Variants in ARHGEF18 observed in about 807,000 individuals in gnomAD.
The protein encoded by ARHGEF18 is rho guanine nucleotide exchange factor 18.
In ARHGEF18, 93 loss-of-function variants were observed where a neutral mutation model predicts 155.7. The observed-to-expected ratio is 0.60, with a 90% confidence interval of 0.50 to 0.71. The LOEUF (loss-of-function observed/expected upper bound fraction) is 0.71, where lower values mean the gene tolerates loss of function less well. ARHGEF18 is among the 30% of genes least tolerant of loss of function. ARHGEF18 has a pLI of 0.00. For missense variants in ARHGEF18, 1,593 were observed against 1,816.1 expected, an observed-to-expected ratio of 0.88 and a Z score of 2.23; for synonymous variants, 742 against 753.1, an observed-to-expected ratio of 0.99 and a Z score of 0.24.
intron 1 of ARHGEF18, among the ~76,000 whole-genome samples, chr19:7,360,337 G>T (rs1969494756): frequency 6.6e-6 from 1 of 151,890 alleles, no homozygotes; most frequent in Non-Finnish European, 1.5e-5. Flanking sequence ...CCTGGCTGAA[G>T]AGATTCCCAT....
chr19:7,383,729 G>A (rs1429077840), intron 10 of ARHGEF18, among the ~76,000 whole-genome samples: 2 of 150,770 alleles, frequency 1.3e-5, no homozygotes, highest in African/African-American at 4.9e-5. Flanking sequence ...CTCCAGTGTG[G>A]CCTCAGCTTA....
At chr19:7,456,072 A>G (rs1254894276) in intron 17 of ARHGEF18, among the ~76,000 whole-genome samples, 1 of 152,238 alleles carries the variant, frequency 6.6e-6, no homozygotes, top group Admixed American at 6.5e-5. Flanking sequence ...CAGTGGCCTG[A>G]CATGGGCGGG....
intron 10 of ARHGEF18, among the ~76,000 whole-genome samples, chr19:7,432,844 C>A (rs944230447): frequency 3.3e-5 from 5 of 152,236 alleles, no homozygotes; most frequent in Non-Finnish European, 7.3e-5. Flanking sequence ...CAGTTTGAAA[C>A]CAATTAAGAC....
chr19:7,438,257 G>A (rs928893729), intron 10 of ARHGEF18, among the ~76,000 whole-genome samples: 4 of 149,580 alleles, frequency 2.7e-5, no homozygotes, highest in African/African-American at 4.9e-5. Flanking sequence ...TGCGCCACTT[G>A]TGCTCAGCTA....
chr19:7,451,193 G>T lies in ARHGEF18; in HGVS notation c.1782G>T (p.Glu594Asp). ...FSIVRRLGVQ[E>D]CILLVTQRIT... The stretch of plus-strand genomic sequence containing the variant: ...TCGTGCGGCGGCTTGGCGTGCAGGA[G>T]TGCATTCTCCTGGTTACACAACGCA... Residue 594 changes from glutamate (E) to aspartate (D), a missense_variant, in exon 16 of 29, where the codon GAG (glutamate) becomes GAT (aspartate). Glu to Asp is a conservative substitution (Grantham distance 45). Transcript: ENST00000668164. 6.2e-7 allele frequency: 1 copy of T among 1,614,018 alleles called. No homozygotes were observed. Among genetic ancestry groups the T allele is most frequent in the Non-Finnish European group, 8.5e-7 (1 of 1,180,024 alleles).
intron 10 of ARHGEF18, among the ~76,000 whole-genome samples, chr19:7,439,379 AGGAGTTT>A (rs1421855894): frequency 6.6e-6 from 1 of 151,830 alleles, no homozygotes; most frequent in Non-Finnish European, 1.5e-5. Context: ...GCTTGAACCT[AGGAGTTT>A]AAGGCTGCAG....
chr19:7,371,320 T>C (rs1454750489), intron 2 of ARHGEF18, among the ~76,000 whole-genome samples: 1 of 152,060 alleles, frequency 6.6e-6, no homozygotes, highest in African/African-American at 2.4e-5. Flanking sequence ...GTTCTGGAGA[T>C]AGATGGAGGT....
intron 10 of ARHGEF18, among the ~76,000 whole-genome samples, chr19:7,439,516 C>T (rs934271683): frequency 3.3e-5 from 5 of 152,050 alleles, no homozygotes; most frequent in African/African-American, 1.2e-4. Flanking sequence ...TCAGCGGGCA[C>T]ACGTATCCTA....
chr19:7,464,441 C>T (rs898419303), intron 22 of ARHGEF18, 119 bp from the exon 23 acceptor site: 25 of 1,286,102 alleles, frequency 1.9e-5, no homozygotes, highest in African/African-American at 3.0e-5. Context: ...GTGCTGCAGA[C>T]GCCACCATTC....
intron 10 of ARHGEF18, among the ~76,000 whole-genome samples, chr19:7,438,406 T>G: frequency 8.3e-6 from 1 of 120,596 alleles, no homozygotes; most frequent in East Asian, 3.2e-4. Context: ...TGGCCCAGAT[T>G]TCTTTTTTTT....
In ARHGEF18 at chr19:7,380,942, G is replaced by C. The variant is rs1372807548; in HGVS notation, c.670G>C (p.Ala224Pro). ...HGARQRACMSASPGGAHSNLT... is the reference protein window; with the variant it reads ...HGARQRACMSPSPGGAHSNLT... ...GGCCCGGCAGAGGGCTTGCATGTCA[G>C]CCAGCCCCGGAGGAGCCCACTCGAA... The change falls in exon 8 of 29, where the codon GCC (alanine) becomes CCC (proline). Residue 224 changes from alanine to proline, a missense_variant. Physicochemically the swap from Ala to Pro is conservative, Grantham distance 27 (BLOSUM62 -1). Transcript: ENST00000668164. 8.1e-7 allele frequency: 1 copy of C among 1,231,846 alleles called. No individual in the cohort carries two copies. Among genetic ancestry groups the C allele is most frequent in the Non-Finnish European group, 1.0e-6 (1 of 987,944 alleles). 76.3% of individuals were successfully genotyped at this position (1,231,846 alleles called of 1,614,324 possible). A position where few individuals can be genotyped will look rare whatever the true frequency, so the allele number is the denominator to read the frequency against.
intron 18 of ARHGEF18, 119 bp from the exon 19 acceptor site, chr19:7,458,393 G>T: frequency 1.8e-5 from 14 of 790,168 alleles, no homozygotes; most frequent in Non-Finnish European, 2.2e-5. Context: ...TGAATTGTTT[G>T]AAAAGAAATG....
In ARHGEF18 at chr19:7,467,269, A is replaced by G; in HGVS notation, c.3065A>G (p.Glu1022Gly). Residue 1022 changes from glutamate (E) to glycine (G), a missense_variant, in exon 26 of 29, where the codon GAG (glutamate) becomes GGG (glycine). Glu to Gly is a moderately conservative substitution (Grantham distance 98). Transcript: ENST00000668164. The part of the protein sequence containing the change: ...YVETQRAAIQ[E>G]REKQFRLQST... The stretch of plus-strand genomic sequence containing the variant: ...GAGACGCAGCGGGCTGCCATCCAGG[A>G]GCGGGAGAAGCAGTTCCGGCTGCAG... 3.2e-6 allele frequency: 5 copies of G among 1,558,562 alleles called. No individual in the cohort carries two copies. Among genetic ancestry groups the G allele is most frequent in the Non-Finnish European group, 4.3e-6 (5 of 1,154,414 alleles).
intron 11 of ARHGEF18, among the ~76,000 whole-genome samples, chr19:7,441,389 G>A (rs888101021): frequency 6.6e-5 from 10 of 151,978 alleles, no homozygotes; most frequent in African/African-American, 1.7e-4. Flanking sequence ...CATGTTGGGC[G>A]AGCTGGTCTC....
rs1163548016 is a variant in ARHGEF18 at position 7,440,757 on chromosome 19, G to A, written c.1106+275G>A. Among the ~76,000 whole-genome samples the A allele has an allele frequency of 1.3e-5, 2 of 152,144 alleles. No homozygotes were observed. The highest frequency in any genetic ancestry group is 4.8e-5 in the African/African-American group (2 of 41,436). ...GACTCGCTCCTTAGGCCGGGCTCCT[G>A]ACTTACTCAAGGCGATGCTCAAAGT... On this transcript the variant is annotated intron_variant, in intron 11 of 28. Transcript: ENST00000668164. This position sits in a 1 kb window ranked among gnomAD's most constrained non-coding sequence, Gnocchi z 5.4.
At position 7,467,195 on chromosome 19, in the gene ARHGEF18, T is replaced by C. The variant is rs775286386; in HGVS notation, c.3010-19T>C. On this transcript the variant is annotated intron_variant, in intron 25 of 28. Transcript: ENST00000668164. ...GGCGCAGGTGCGGCTCTCACTCGCCTGGCCCTGGCCCTCCGCAGGCGGTAA... is the reference window on the plus strand; with the variant it reads ...GGCGCAGGTGCGGCTCTCACTCGCCCGGCCCTGGCCCTCCGCAGGCGGTAA... 1.3e-6 allele frequency: 2 copies of C among 1,579,822 alleles called. No individual in the cohort carries two copies. Among genetic ancestry groups the C allele is most frequent in the African/African-American group, 1.3e-5 (1 of 74,334 alleles).
Position 7,444,794 on chromosome 19 carries a change from C to T in ARHGEF18, c.1611+340C>T, listed in dbSNP as rs954844346. Among the ~76,000 whole-genome samples the T allele has an allele frequency of 6.6e-6, 1 of 152,176 alleles. No individual in the cohort carries two copies. Among genetic ancestry groups the T allele is most frequent in the Admixed American group, 6.5e-5 (1 of 15,270 alleles). On this transcript the variant is annotated intron_variant, in intron 14 of 28. Transcript: ENST00000668164. The surrounding 1 kb of genome is among the most constrained non-coding windows in gnomAD (Gnocchi z 4.7). ...ACGTAGCTGGGACTCCAGGGAACAC[C>T]ATGCCTGGCTAACTTTTTATTTTTT...
At chr19:7,475,818 G>A (rs970322471), downstream of ARHGEF18, among the ~76,000 whole-genome samples, 1 of 152,222 alleles carries the variant, frequency 6.6e-6, no homozygotes, top group African/African-American at 2.4e-5. Context: ...ACAATGAGAT[G>A]CCCTAATCAT....
chr19:7,450,212 G>A (rs544171258), intron 15 of ARHGEF18, among the ~76,000 whole-genome samples: 96 of 138,814 alleles, frequency 6.9e-4, no homozygotes, highest in Admixed American at 2.2e-4. Context: ...CTGTTAATGC[G>A]GTATCTCGCT....
Sources: allele counts gnomAD v4.1 joint callset (sites outside exome capture counted in the v4.1 genomes callset), GRCh38; gene constraint gnomAD v4.1.1; non-coding constraint Gnocchi (gnomAD v3.1); transcripts MANE v1.5; gene names NCBI Gene and HGNC (gene_info 2026-07-23, HGNC 2026-07-21).